The following SRRM4 variants were observed in gnomAD, a reference collection of about 807,000 sequenced individuals.
SRRM4 encodes serine/arginine repetitive matrix 4.
In SRRM4, 33 loss-of-function variants were observed where a neutral mutation model predicts 68.9. The observed-to-expected ratio is 0.48, with a 90% confidence interval of 0.36 to 0.64. The LOEUF is 0.64. SRRM4 is among the 30% of genes least tolerant of loss of function. The pLI, the probability that SRRM4 is intolerant of heterozygous loss-of-function variation, is 0.00. For synonymous variants in SRRM4, 318 were observed against 318.8 expected (o/e 1.00, Z 0.03); for missense variants, 817 against 827.1 (o/e 0.99, Z 0.15).
rs1954460156 is a variant in SRRM4, at chr12:119,154,440, A to C, written c.1532+57A>C. ...CATCCTCGTTCCCACTCCCATTCTT[A>C]CTCATTCGAGCCTCAGGCTCTCCCT... is the stretch of plus-strand genomic sequence containing the variant. On this transcript the variant is annotated intron_variant, in intron 12 of 12. Coordinates refer to ENST00000267260, the MANE Select transcript of SRRM4 (RefSeq NM_194286.4). This position sits in a 1 kb window ranked among gnomAD's most constrained non-coding sequence, Gnocchi z 4.7. 1.3e-6 allele frequency: 2 copies of C among 1,584,596 alleles called. No homozygotes were observed. The highest frequency in any genetic ancestry group is 1.7e-5 in the Admixed American group (1 of 57,546).
At chr12:118,991,082 G>A (rs1322160369) in intron 1 of SRRM4, among the ~76,000 whole-genome samples, 1 of 152,200 alleles carries the variant, frequency 6.6e-6, no homozygotes, top group Non-Finnish European at 1.5e-5. Context: ...TGGGATTACA[G>A]GTGTGAGCCA....
rs1389291053 is a variant in SRRM4, at chr12:119,160,140, T to A, written c.*3342T>A. 6.6e-6 allele frequency: 1 copy of A among 152,222 alleles called. No individual in the cohort carries two copies. Among genetic ancestry groups the A allele is most frequent in the Admixed American group, 6.5e-5 (1 of 15,284 alleles). The allele number at this position is 152,222 out of a possible 1,614,324, so 9.4% of individuals were successfully genotyped here. A position where few individuals can be genotyped will look rare whatever the true frequency, so the allele number is the denominator to read the frequency against. On this transcript the variant is annotated 3_prime_UTR_variant, in exon 13 of 13. Coordinates refer to ENST00000267260, the MANE Select transcript of SRRM4 (RefSeq NM_194286.4). ...GAGACTTTTGCAACATCCCTGGTTG[T>A]TTCCCTGGCAATGTGACTATCCAGC...
At chr12:119,037,211 C>G (rs914275201) in intron 1 of SRRM4, among the ~76,000 whole-genome samples, 1 of 151,982 alleles carries the variant, frequency 6.6e-6, no homozygotes, top group African/African-American at 2.4e-5. Flanking sequence ...GATAGGGAGT[C>G]CGTGGGAGAA....
At chr12:118,985,524 T>C (rs2135986962) in intron 1 of SRRM4, among the ~76,000 whole-genome samples, 1 of 152,302 alleles carries the variant, frequency 6.6e-6, no homozygotes, top group African/African-American at 2.4e-5. Flanking sequence ...TTACCTAGGA[T>C]GGAAGATCTA....
chr12:119,125,335 C>A (rs780793766), intron 6 of SRRM4, 46 bp from the exon 7 acceptor site: 2 of 1,505,968 alleles, frequency 1.3e-6, no homozygotes, highest in Non-Finnish European at 1.8e-6. Flanking sequence ...CCCTTTTTTA[C>A]TCTCTCTCTC....
intron 1 of SRRM4, among the ~76,000 whole-genome samples, chr12:119,008,663 T>C (rs530448796): frequency 6.6e-5 from 10 of 152,256 alleles, no homozygotes; most frequent in Admixed American, 2.6e-4. Flanking sequence ...GGTGATTCTT[T>C]TCCTCACCTC....
chr12:119,036,955 GC>G (rs1473646234), intron 1 of SRRM4: 2 of 152,176 alleles, frequency 1.3e-5, no homozygotes, highest in Non-Finnish European at 2.9e-5. Context: ...CTTCGTTTCA[GC>G]CACTCACGCT....
intron 1 of SRRM4, among the ~76,000 whole-genome samples, chr12:119,027,817 A>G (rs750198932): frequency 1.3e-5 from 2 of 152,212 alleles, no homozygotes; most frequent in Non-Finnish European, 2.9e-5. Context: ...GAGACCACAA[A>G]GCTGGTATAA....
At chr12:119,053,832 C>T (rs1004119200) in intron 1 of SRRM4, among the ~76,000 whole-genome samples, 2 of 151,996 alleles carry the variant, frequency 1.3e-5, no homozygotes, top group African/African-American at 2.4e-5. Flanking sequence ...GTAATTATCA[C>T]ATCATGGAGA....
intron 1 of SRRM4, chr12:118,993,771 A>C (rs1953332043): frequency 6.6e-6 from 1 of 152,224 alleles, no homozygotes. Context: ...CTAAAGTCTC[A>C]CAAGCAATCA....
intron 1 of SRRM4, among the ~76,000 whole-genome samples, chr12:119,008,661 T>A (rs940471592): frequency 6.6e-5 from 10 of 152,174 alleles, no homozygotes; most frequent in Non-Finnish European, 1.2e-4. Flanking sequence ...AAGGTGATTC[T>A]TTTCCTCACC....
chr12:119,099,687 C>A (rs769529518), intron 1 of SRRM4, among the ~76,000 whole-genome samples: 1 of 152,178 alleles, frequency 6.6e-6, no homozygotes, highest in Non-Finnish European at 1.5e-5. Context: ...GGTTTGCAGT[C>A]TCATCATAAG....
In SRRM4 at chr12:119,116,497, C is replaced by T. The variant is rs557909021; in HGVS notation, c.366-440C>T. 9.9e-5 allele frequency among the ~76,000 whole-genome samples: 15 copies of T among 152,248 alleles called. No individual in the cohort carries two copies. The South Asian group carries it at 2.9e-3, about 30-fold the overall frequency. On this transcript the variant is annotated intron_variant, in intron 3 of 12. Coordinates refer to ENST00000267260, the MANE Select transcript of SRRM4 (RefSeq NM_194286.4). ...ACAGAAGGAAGCCTTTCCAGCTTGACCAGGCAGGCAGCTGTGAGGTGCTAT... is the reference window on the plus strand; with the variant it reads ...ACAGAAGGAAGCCTTTCCAGCTTGATCAGGCAGGCAGCTGTGAGGTGCTAT...
At chr12:119,130,021 ATGGTTGGCTGAGTGGTTGGT>A in intron 7 of SRRM4, among the ~76,000 whole-genome samples, 5 of 148,714 alleles carry the variant, frequency 3.4e-5, no homozygotes, top group Non-Finnish European at 1.5e-5. Flanking sequence ...GAATGCATAG[ATGGTTGGCTGAGTGGTTGGT>A]TGGTTAGTTG....
At chr12:119,045,323 C>T (rs990194467) in intron 1 of SRRM4, among the ~76,000 whole-genome samples, 76 of 150,148 alleles carry the variant, frequency 5.1e-4, no homozygotes, top group African/African-American at 1.8e-3. Flanking sequence ...GCCAGCAACA[C>T]ATGTCTTGTT....
chr12:119,146,548 T>C (rs1289543305), intron 9 of SRRM4, among the ~76,000 whole-genome samples: 1 of 151,402 alleles, frequency 6.6e-6, no homozygotes, highest in African/African-American at 2.4e-5. Flanking sequence ...ATTGTACCAT[T>C]GCACTCCAGC....
At chr12:119,148,869 A>G (rs1163495709) in intron 9 of SRRM4, among the ~76,000 whole-genome samples, 1 of 152,234 alleles carries the variant, frequency 6.6e-6, no homozygotes, top group African/African-American at 2.4e-5. Flanking sequence ...AGAGGGCTCA[A>G]TAAATATGGG....
At chr12:119,056,807 T>C (rs1953779324) in intron 1 of SRRM4, among the ~76,000 whole-genome samples, 1 of 149,788 alleles carries the variant, frequency 6.7e-6, no homozygotes, top group South Asian at 2.1e-4. Flanking sequence ...TAATTACACA[T>C]ATTTTTTCCC....
intron 1 of SRRM4, among the ~76,000 whole-genome samples, chr12:119,053,637 A>G (rs2136018104): frequency 6.6e-6 from 1 of 152,338 alleles, no homozygotes; most frequent in African/African-American, 2.4e-5. Flanking sequence ...AAGTGGAAAC[A>G]CCTGCTGTGC....
Sources: gnomAD v4.1 joint callset for allele counts (sites outside exome capture counted in the v4.1 genomes callset) on GRCh38, gnomAD v4.1.1 for gene constraint, Gnocchi (gnomAD v3.1) non-coding constraint, MANE v1.5 for transcripts, NCBI Gene and HGNC (gene_info 2026-07-23, HGNC 2026-07-21) for gene names.